Variants in SLC24A2 observed in about 807,000 individuals in gnomAD.
The protein encoded by SLC24A2 is solute carrier family 24 member 2.
A neutral mutation model predicts 62.0 loss-of-function variants in SLC24A2; 36 were observed. The observed-to-expected ratio is 0.58, with a 90% CI of 0.44 to 0.77. The LOEUF is 0.77. Among genes scored for constraint, SLC24A2 ranks in the 30% least tolerant of loss-of-function variants. The probability of loss-of-function intolerance (pLI) is 0.00; values close to 1 mark genes in which losing one functional copy is unlikely to be tolerated. For missense variants in SLC24A2, 846 were observed against 817.9 expected (o/e 1.03, Z -0.42); for synonymous variants, 358 against 294.0 (o/e 1.22, Z -2.23).
At chr9:19,677,895 A>T (rs1819605903) in intron 2 of SLC24A2, among the ~76,000 whole-genome samples, 1 of 151,730 alleles carries the variant, frequency 6.6e-6, no homozygotes, top group Admixed American at 6.6e-5. Flanking sequence ...ATAAGCAAAC[A>T]TAAGCATATA....
At chr9:19,744,454 G>T (rs562378679) in intron 2 of SLC24A2, among the ~76,000 whole-genome samples, 3 of 152,010 alleles carry the variant, frequency 2.0e-5, no homozygotes, top group Non-Finnish European at 4.4e-5. Flanking sequence ...AGATTTTATG[G>T]TTGCAGACTC....
At chr9:19,894,648 C>A in the SLC24A2 span, among the ~76,000 whole-genome samples, 1 of 152,016 alleles carries the variant, frequency 6.6e-6, no homozygotes, top group African/African-American at 2.4e-5. Flanking sequence ...AGCCTACTTT[C>A]TCAGCATATC....
chr9:19,914,945 A>T, the SLC24A2 span, among the ~76,000 whole-genome samples: 14 of 150,338 alleles, frequency 9.3e-5, no homozygotes, highest in South Asian at 6.2e-4. Context: ...TTAATAATTT[A>T]AAAAAAAGAT....
chr9:20,273,398 A>C, the SLC24A2 span, among the ~76,000 whole-genome samples: 3 of 152,186 alleles, frequency 2.0e-5, no homozygotes, highest in Admixed American at 6.6e-5. Context: ...AAGTGATATG[A>C]TTTGCCTCCA....
intron 4 of SLC24A2, among the ~76,000 whole-genome samples, chr9:19,616,792 G>A (rs35675299): frequency 2.0e-5 from 3 of 152,048 alleles, no homozygotes; most frequent in East Asian, 1.9e-4. Context: ...AAAATTAAAG[G>A]TTCATTGGCA....
At chr9:20,197,670 G>C in the SLC24A2 span, among the ~76,000 whole-genome samples, 36 of 152,002 alleles carry the variant, frequency 2.4e-4, 1 homozygote, top group Admixed American at 1.7e-3. Flanking sequence ...GGCCTCAAGT[G>C]ATCTGCCCAC....
intron 8 of SLC24A2, among the ~76,000 whole-genome samples, chr9:19,531,219 C>A (rs967697352): frequency 1.3e-5 from 2 of 152,192 alleles, no homozygotes; most frequent in African/African-American, 4.8e-5. Context: ...CATTTTCACA[C>A]CCCAGGTAAT....
chr9:20,247,198 AC>A, the SLC24A2 span, among the ~76,000 whole-genome samples: 1 of 152,194 alleles, frequency 6.6e-6, no homozygotes, highest in African/African-American at 2.4e-5. Flanking sequence ...ATATGCCCTA[AC>A]TGAGGGCATT....
the SLC24A2 span, among the ~76,000 whole-genome samples, chr9:20,300,718 C>T: frequency 6.6e-6 from 1 of 152,094 alleles, no homozygotes; most frequent in Non-Finnish European, 1.5e-5. Flanking sequence ...AATGCCCCAG[C>T]CAGCTAAAGT....
chr9:19,574,438 C>G (rs1223266670), intron 6 of SLC24A2, among the ~76,000 whole-genome samples: 1 of 152,204 alleles, frequency 6.6e-6, no homozygotes, highest in Non-Finnish European at 1.5e-5. Context: ...GGATCTACAA[C>G]TTGTGCTGTT....
At chr9:19,982,145 GA>G in the SLC24A2 span, among the ~76,000 whole-genome samples, 1 of 152,162 alleles carries the variant, frequency 6.6e-6, no homozygotes, top group South Asian at 2.1e-4. Context: ...GATACTTGAG[GA>G]AATGTTTTCC....
intron 2 of SLC24A2, among the ~76,000 whole-genome samples, chr9:19,781,881 A>G (rs983598785): frequency 1.3e-5 from 2 of 152,244 alleles, no homozygotes; most frequent in African/African-American, 4.8e-5. Context: ...TTAGTACTTT[A>G]CAAGAACTAC....
chr9:19,516,475 A>G, intron 10 of SLC24A2, 73 bp from the exon 11 acceptor site: 1 of 1,525,322 alleles, frequency 6.6e-7, no homozygotes, highest in Non-Finnish European at 9.0e-7. Flanking sequence ...AAGAAGGCAA[A>G]TATAACCTAT....
At chr9:19,529,943 G>C (rs1833621728) in intron 8 of SLC24A2, among the ~76,000 whole-genome samples, 1 of 151,868 alleles carries the variant, frequency 6.6e-6, no homozygotes, top group South Asian at 2.1e-4. Context: ...AGTAGAGGCA[G>C]GGTTTCACCA....
chr9:19,526,056 C>T (rs1833434921), intron 9 of SLC24A2, among the ~76,000 whole-genome samples: 1 of 152,086 alleles, frequency 6.6e-6, no homozygotes, highest in Non-Finnish European at 1.5e-5. Flanking sequence ...TATTATATGT[C>T]TCTATAGATT....
chr9:20,107,245 A>G, the SLC24A2 span, among the ~76,000 whole-genome samples: 2 of 152,162 alleles, frequency 1.3e-5, no homozygotes, highest in African/African-American at 2.4e-5. Context: ...GGAAGAATCA[A>G]TATCGTGAAA....
chr9:20,175,529 T>C, the SLC24A2 span, among the ~76,000 whole-genome samples: 2 of 152,062 alleles, frequency 1.3e-5, no homozygotes, highest in Non-Finnish European at 2.9e-5. Context: ...TAGCACAGTT[T>C]TTAAAAAATC....
At position 19,618,228 on chromosome 9, in the gene SLC24A2, G is replaced by A. The variant is rs143743209; in HGVS notation, c.1078+1356C>T. Among the ~76,000 whole-genome samples the A allele has an allele frequency of 1.7e-3, 266 of 152,230 alleles. 1 individual carries two copies. Among genetic ancestry groups the A allele is most frequent in the South Asian group, 5.8e-3 (28 of 4,820 alleles). ...TTGGGAGGAAGGAGTTAAAGCAGTC[G>A]GCCTGCAATCTCTTTACTCCCTTCT... On this transcript the variant is annotated intron_variant, in intron 4 of 10. Coordinates refer to ENST00000341998, the MANE Select transcript of SLC24A2 (RefSeq NM_020344.4).
chr9:20,182,734 T>A, the SLC24A2 span, among the ~76,000 whole-genome samples: 1,408 of 152,214 alleles, frequency 9.3e-3, 18 homozygotes, highest in African/African-American at 0.032. Flanking sequence ...TATACCTACG[T>A]AACAAACCTA....
Sources: allele counts gnomAD v4.1 joint callset (sites outside exome capture counted in the v4.1 genomes callset), GRCh38; gene constraint gnomAD v4.1.1; transcripts MANE v1.5; gene names NCBI Gene and HGNC (gene_info 2026-07-23, HGNC 2026-07-21).